The following PCMTD1 variants were observed in gnomAD, a reference collection of about 807,000 sequenced individuals.
PCMTD1 encodes protein-L-isoaspartate (D-aspartate) O-methyltransferase domain containing 1.
In PCMTD1, 12 loss-of-function variants were observed where a neutral mutation model predicts 37.6. That is an observed-to-expected ratio of 0.32 (90% CI 0.20 to 0.52). The LOEUF is 0.52. PCMTD1 is among the 20% of genes least tolerant of loss of function. The probability of loss-of-function intolerance (pLI) is 0.97; values close to 1 mark genes in which losing one functional copy is unlikely to be tolerated. For synonymous variants in PCMTD1, 117 were observed against 135.8 expected (o/e 0.86, Z 0.96); for missense variants, 235 against 421.3 (o/e 0.56, Z 3.87).
At chr8:51,850,541 C>T (rs909541950) in intron 2 of PCMTD1, among the ~76,000 whole-genome samples, 1 of 152,180 alleles carries the variant, frequency 6.6e-6, no homozygotes, top group Non-Finnish European at 1.5e-5. Context: ...GTACTAGCCA[C>T]CCCTCCTAAT....
In PCMTD1 at chr8:51,817,619, C is replaced by T; in HGVS notation, c.*2732G>A. The T allele has an allele frequency of 5.2e-6, 1 of 192,516 alleles. No individual in the cohort carries two copies. The highest frequency in any genetic ancestry group is 1.1e-5 in the Non-Finnish European group (1 of 92,112). The allele number at this position is 192,516 out of a possible 1,614,324, so 11.9% of individuals were successfully genotyped here. A position where few individuals can be genotyped will look rare whatever the true frequency, so the allele number is the denominator to read the frequency against. ...TAATTGTTTATTTAAAATAATTTTC[C>T]AAGTCTTCCAATGATTTAACAGGCT... On this transcript the variant is annotated 3_prime_UTR_variant, in exon 6 of 6. Coordinates refer to ENST00000522514, the MANE Select transcript of PCMTD1 (RefSeq NM_052937.4).
At chr8:51,826,281 T>C (rs1186285924) in intron 5 of PCMTD1, among the ~76,000 whole-genome samples, 1 of 152,092 alleles carries the variant, frequency 6.6e-6, no homozygotes, top group East Asian at 1.9e-4. Context: ...AACCAAACAC[T>C]GCATGTTCTC....
At chr8:51,848,875 TAAC>T (rs1223539564) in intron 2 of PCMTD1, 2 of 152,112 alleles carry the variant, frequency 1.3e-5, no homozygotes, top group African/African-American at 4.8e-5. Flanking sequence ...GATCACTACT[TAAC>T]AATATGAATG....
intron 2 of PCMTD1, among the ~76,000 whole-genome samples, chr8:51,857,734 T>C (rs1272901176): frequency 1.3e-5 from 2 of 152,210 alleles, no homozygotes; most frequent in African/African-American, 4.8e-5. Context: ...CATGTCTCAA[T>C]GAGACATCTC....
chr8:51,830,549 T>C (rs894327806), intron 5 of PCMTD1, among the ~76,000 whole-genome samples: 2 of 152,080 alleles, frequency 1.3e-5, no homozygotes, highest in Admixed American at 6.6e-5. Context: ...GACAACACTA[T>C]CCACACCAAC....
intron 1 of PCMTD1, among the ~76,000 whole-genome samples, chr8:51,885,166 T>C (rs970061204): frequency 3.3e-5 from 5 of 152,170 alleles, no homozygotes; most frequent in Admixed American, 1.3e-4. Flanking sequence ...ATACTGATAC[T>C]TGGCTAAAGC....
chr8:51,820,133 A>T lies in PCMTD1; in HGVS notation c.*218T>A. On this transcript the variant is annotated 3_prime_UTR_variant, in exon 6 of 6. Transcript: ENST00000522514. ...CCACTTTGAAATCACTCTGAGCTAA[A>T]ACAACATTTTTCCAAGATTTAAAGA... 2.6e-6 allele frequency: 1 copy of T among 383,180 alleles called. No individual in the cohort carries two copies. The highest frequency in any genetic ancestry group is 4.5e-6 in the Non-Finnish European group (1 of 222,424). The allele number at this position is 383,180 out of a possible 1,614,324, so 23.7% of individuals were successfully genotyped here.
At chr8:51,860,570 C>A in intron 2 of PCMTD1, 1 of 290,048 alleles carries the variant, frequency 3.4e-6, no homozygotes, top group Non-Finnish European at 6.5e-6. Flanking sequence ...TTAAATATTA[C>A]TCCTGAGTTT....
chr8:51,849,944 AG>A (rs2038280583), intron 2 of PCMTD1: 1 of 644,204 alleles, frequency 1.6e-6, no homozygotes, highest in African/African-American at 1.8e-5. Flanking sequence ...ATTTGAATGA[AG>A]TTCACTGTGC....
chr8:51,853,856 T>G (rs1027329152), intron 2 of PCMTD1, among the ~76,000 whole-genome samples: 4 of 152,048 alleles, frequency 2.6e-5, no homozygotes, highest in Non-Finnish European at 5.9e-5. Context: ...GAACTTCACT[T>G]TATCCCACCT....
chr8:51,869,353 G>A (rs1338200164), intron 1 of PCMTD1, among the ~76,000 whole-genome samples: 3 of 152,098 alleles, frequency 2.0e-5, no homozygotes, highest in African/African-American at 4.8e-5. Flanking sequence ...GTGTAGCCAC[G>A]GTTCCACAGA....
At chr8:51,822,989 T>C (rs750773900) in intron 5 of PCMTD1, among the ~76,000 whole-genome samples, 3 of 152,250 alleles carry the variant, frequency 2.0e-5, no homozygotes, top group Non-Finnish European at 2.9e-5. Flanking sequence ...TGTAATTATG[T>C]TCTTCCTTTG....
chr8:51,842,999 C>T lies in PCMTD1; in HGVS notation c.410+2662G>A, dbSNP rs528664963. 3.9e-5 allele frequency among the ~76,000 whole-genome samples: 6 copies of T among 152,166 alleles called. 1 individual carries two copies. In the South Asian group the frequency reaches 1.0e-3, roughly 26 times the overall value. ...AACCATACATAATTAAATAAAACTG[C>T]TTAGAAATGAGATTTTTAAAACCAC... On this transcript the variant is annotated intron_variant, in intron 3 of 5. Coordinates refer to ENST00000522514, the MANE Select transcript of PCMTD1 (RefSeq NM_052937.4).
chr8:51,879,831 G>A (rs1373377144), intron 1 of PCMTD1, among the ~76,000 whole-genome samples: 1 of 152,094 alleles, frequency 6.6e-6, no homozygotes, highest in Non-Finnish European at 1.5e-5. Context: ...ATGTGGCAAA[G>A]GGTTGATAGC....
At chr8:51,826,404 G>A (rs1417706679) in intron 5 of PCMTD1, among the ~76,000 whole-genome samples, 2 of 152,154 alleles carry the variant, frequency 1.3e-5, no homozygotes, top group Admixed American at 6.5e-5. Flanking sequence ...ATAGCATTAG[G>A]AGAAATACCT....
Position 51,845,695 on chromosome 8 carries a change from C to G in PCMTD1, c.376G>C (p.Glu126Gln). The change falls in exon 3 of 6, where the codon GAG becomes CAG. Residue 126 changes from glutamate to glutamine, a missense_variant. This residue lies in a region of PCMTD1 where 183 missense variants were observed against 349.3 expected (regional missense o/e 0.52). Coordinates refer to ENST00000522514, the MANE Select transcript of PCMTD1 (RefSeq NM_052937.4). ...DVVEYAKEKL[E>Q]SFIKNSDSFD... ...CTATCACTATTTTTGATGAAGCTCT[C>G]CAGTTTTTCCTTGGCATATTCCACC... is the stretch of plus-strand genomic sequence containing the variant. The G allele has an allele frequency of 6.2e-7, 1 of 1,612,942 alleles. No individual in the cohort carries two copies. Among genetic ancestry groups the G allele is most frequent in the Non-Finnish European group, 8.5e-7 (1 of 1,179,528 alleles).
chr8:51,839,443 T>G (rs1388137891), intron 3 of PCMTD1: 11 of 985,138 alleles, frequency 1.1e-5, no homozygotes, highest in Non-Finnish European at 1.2e-5. Flanking sequence ...TTCTAATCAC[T>G]TACCTTAGCA....
chr8:51,851,294 G>A (rs1342537689), intron 2 of PCMTD1, among the ~76,000 whole-genome samples: 2 of 152,150 alleles, frequency 1.3e-5, no homozygotes, highest in Non-Finnish European at 2.9e-5. Flanking sequence ...CAATGGCTAT[G>A]TAAATGCTAC....
chr8:51,894,916 C>T (rs1379091309), intron 1 of PCMTD1, among the ~76,000 whole-genome samples: 2 of 151,820 alleles, frequency 1.3e-5, no homozygotes, highest in Non-Finnish European at 2.9e-5. Flanking sequence ...ATCAGGCTTG[C>T]AAAAAAAGTT....
Sources: allele counts gnomAD v4.1 joint callset (sites outside exome capture counted in the v4.1 genomes callset), GRCh38; gene constraint gnomAD v4.1.1; regional missense constraint gnomAD v4.1.1; transcripts MANE v1.5; gene names NCBI Gene and HGNC (gene_info 2026-07-23, HGNC 2026-07-21).